The following OCA2 variants were observed in gnomAD, a reference collection of about 807,000 sequenced individuals.
The protein encoded by OCA2 is P protein.
A neutral mutation model predicts 100.2 loss-of-function variants in OCA2; 77 were observed. The ratio of observed to expected loss-of-function variants is 0.77; its 90% CI spans 0.64 to 0.93. The LOEUF (loss-of-function observed/expected upper bound fraction) is 0.93. OCA2 is among the 40% of genes least tolerant of loss of function. OCA2 has a pLI of 0.00. For missense variants in OCA2, 1,062 were observed against 1,089.1 expected, an observed-to-expected ratio of 0.98 and a Z score of 0.35; for synonymous variants, 432 against 439.2, an observed-to-expected ratio of 0.98 and a Z score of 0.21.
Position 28,027,853 on chromosome 15 carries a change from C to G in OCA2, c.515+18G>C, listed in dbSNP as rs1270829700. The G allele has an allele frequency of 6.2e-7, 1 of 1,611,568 alleles. No individual in the cohort carries two copies. Among genetic ancestry groups the G allele is most frequent in the East Asian group, 2.2e-5 (1 of 44,878 alleles). On this transcript the variant is annotated intron_variant, in intron 4 of 23. Coordinates refer to ENST00000354638, the MANE Select transcript of OCA2 (RefSeq NM_000275.3). ...CGGCCACCGCTGCTGCCAGGGTGGG[C>G]ACCCCAAGTCCGCCTACCTCAGCTT... is the stretch of plus-strand genomic sequence containing the variant.
rs144345789 is a variant in OCA2 at position 27,821,045 on chromosome 15, G to A, written c.2432+23914C>T. Among the ~76,000 whole-genome samples, 1,386 of 152,176 alleles carry A rather than the reference G, an allele frequency of 9.1e-3. 11 individuals carry two copies. The highest frequency in any genetic ancestry group is 0.015 in the Non-Finnish European group (1,012 of 68,008). On this transcript the variant is annotated intron_variant, in intron 23 of 23. Transcript: ENST00000354638. ...AAAGAAAACAATATTCCAAAACAAT[G>A]TCTCAAGTGAGACATTGAGACATTG...
At chr15:27,979,996 G>A (rs1219964355) in intron 14 of OCA2, among the ~76,000 whole-genome samples, 10 of 151,140 alleles carry the variant, frequency 6.6e-5, no homozygotes, top group African/African-American at 9.7e-5. Context: ...TTACAGGTGT[G>A]AGCCACCGCA....
At chr15:27,920,748 G>A (rs1175290895) in intron 19 of OCA2, among the ~76,000 whole-genome samples, 2 of 151,874 alleles carry the variant, frequency 1.3e-5, no homozygotes, top group Non-Finnish European at 2.9e-5. Flanking sequence ...TTCTGGAATT[G>A]AACAATACAA....
intron 1 of OCA2, among the ~76,000 whole-genome samples, chr15:28,098,066 T>A (rs958022927): frequency 2.0e-5 from 3 of 152,220 alleles, no homozygotes; most frequent in Admixed American, 2.0e-4. Flanking sequence ...AGATCTCAGC[T>A]GCTCCAGGGG....
intron 23 of OCA2, among the ~76,000 whole-genome samples, chr15:27,789,083 A>C (rs1420314570): frequency 1.3e-5 from 2 of 151,976 alleles, no homozygotes; most frequent in Admixed American, 1.3e-4. Flanking sequence ...ATGTTACTTT[A>C]TGTGATTTTA....
chr15:28,042,403 GATCACTT>G (rs2043229799), intron 2 of OCA2, among the ~76,000 whole-genome samples: 1 of 150,470 alleles, frequency 6.6e-6, no homozygotes. Context: ...AAGGTGGGTG[GATCACTT>G]GAGGCCAGGA....
At position 27,906,284 on chromosome 15, in the gene OCA2, G is replaced by T. The variant is rs182135525; in HGVS notation, c.2079+19843C>A. Among the ~76,000 whole-genome samples, 507 of 152,176 alleles carry T rather than the reference G, an allele frequency of 3.3e-3. 3 individuals carry two copies. The highest frequency in any genetic ancestry group is 0.01 in the African/African-American group (424 of 41,522). On this transcript the variant is annotated intron_variant, in intron 19 of 23. Coordinates refer to ENST00000354638, the MANE Select transcript of OCA2 (RefSeq NM_000275.3). ...GTATTATTGTATCAAAATATCACAT[G>T]TCCCCCATAAATATGCAACAACTAT...
chr15:27,793,755 C>T (rs1291131541), intron 23 of OCA2, among the ~76,000 whole-genome samples: 1 of 152,224 alleles, frequency 6.6e-6, no homozygotes, highest in Non-Finnish European at 1.5e-5. Flanking sequence ...CAAGGGCCTG[C>T]CTGGGGCGAC....
chr15:27,811,051 T>C (rs931205108), intron 23 of OCA2, among the ~76,000 whole-genome samples: 1 of 69,464 alleles, frequency 1.4e-5, no homozygotes, highest in Non-Finnish European at 2.4e-5. Context: ...AGTCATTATA[T>C]GAAAAAGACA....
chr15:27,941,541 A>ATTGGC (rs142494419), intron 18 of OCA2, among the ~76,000 whole-genome samples: 41,878 of 151,866 alleles, frequency 0.28, 8,277 homozygotes, highest in East Asian at 0.79. Flanking sequence ...AATGGAGGAT[A>ATTGGC]TTGGCTGCAT....
the OCA2 span, among the ~76,000 whole-genome samples, chr15:27,734,279 T>C: frequency 0.45 from 56,151 of 123,598 alleles, 13,046 homozygotes; most frequent in Non-Finnish European, 0.54. Context: ...AAATACCTTT[T>C]CAAGAGCAAA....
At chr15:27,775,063 C>CGTGTGTGTGTGTGTGTGTGT (rs66465683) in intron 23 of OCA2, among the ~76,000 whole-genome samples, 2 of 142,938 alleles carry the variant, frequency 1.4e-5, no homozygotes, top group African/African-American at 2.6e-5. Flanking sequence ...TTTTAGAACT[C>CGTGTGTGTGTGTGTGTGTGT]GTGTGTGTGT....
chr15:27,843,356 G>C (rs2035413970), intron 23 of OCA2, among the ~76,000 whole-genome samples: 2 of 152,190 alleles, frequency 1.3e-5, no homozygotes, highest in South Asian at 4.1e-4. Flanking sequence ...TCTCTTGGCT[G>C]TGCTCTGGGT....
At chr15:28,058,466 G>A (rs1277696288) in intron 2 of OCA2, among the ~76,000 whole-genome samples, 1 of 152,156 alleles carries the variant, frequency 6.6e-6, no homozygotes, top group Non-Finnish European at 1.5e-5. Context: ...GGAGGTACTG[G>A]CCCAGGGCAC....
At chr15:28,063,105 TG>T (rs2043924473) in intron 2 of OCA2, among the ~76,000 whole-genome samples, 1 of 152,186 alleles carries the variant, frequency 6.6e-6, no homozygotes, top group Non-Finnish European at 1.5e-5. Context: ...TGGGTAGTAA[TG>T]CCATTTAACA....
chr15:27,948,655 G>A (rs1244694725), intron 18 of OCA2, among the ~76,000 whole-genome samples: 4 of 151,912 alleles, frequency 2.6e-5, no homozygotes, highest in African/African-American at 4.8e-5. Flanking sequence ...TTGTAGAGAC[G>A]GGATTTTGCC....
rs543100859 is a variant in OCA2, at chr15:28,083,062, G to A, written c.-21-1167C>T. On this transcript the variant is annotated intron_variant, in intron 1 of 23. Transcript: ENST00000354638. ...ACTTTGGCCATGCAGGATGTCTGGC[G>A]CTGAGATGCAGAGGCACGTGCTGGG... Among the ~76,000 whole-genome samples the A allele has an allele frequency of 9.2e-5, 14 of 152,316 alleles. No individual in the cohort carries two copies. In the South Asian group the frequency reaches 1.5e-3, roughly 16 times the overall value.
chr15:27,857,417 G>A (rs1457687610), intron 21 of OCA2, among the ~76,000 whole-genome samples: 2 of 152,116 alleles, frequency 1.3e-5, no homozygotes, highest in Admixed American at 1.3e-4. Context: ...CTAGGGAATG[G>A]GGAATTATTT....
intron 1 of OCA2, among the ~76,000 whole-genome samples, chr15:28,092,779 G>C (rs1319912479): frequency 6.6e-6 from 1 of 152,068 alleles, no homozygotes. Flanking sequence ...TGCAGAAAAA[G>C]CATTTAACAA....
Sources: allele counts gnomAD v4.1 joint callset (sites outside exome capture counted in the v4.1 genomes callset), GRCh38; gene constraint gnomAD v4.1.1; transcripts MANE v1.5; gene names NCBI Gene and HGNC (gene_info 2026-07-23, HGNC 2026-07-21).